The following PLXNA4 variants were observed in gnomAD, a reference collection of about 807,000 sequenced individuals.
PLXNA4 encodes the protein plexin-A4.
Under a neutral mutation model 191.8 loss-of-function variants are expected in PLXNA4, and 44 were observed. The ratio of observed to expected loss-of-function variants is 0.23; its 90% CI spans 0.18 to 0.29. The LOEUF is 0.29. Among genes scored for constraint, PLXNA4 ranks in the 10% least tolerant of loss-of-function variants. The pLI is 1.00. For missense variants in PLXNA4, 1,800 were observed against 2,488.8 expected (o/e 0.72, Z 5.89); for synonymous variants, 1,082 against 1,009.5 (o/e 1.07, Z -1.36).
chr7:132,180,565 A>T, intron 19 of PLXNA4, 21 bp downstream of exon 19: 1 of 1,614,032 alleles, frequency 6.2e-7, no homozygotes, highest in Non-Finnish European at 8.5e-7. Flanking sequence ...TCCATCCAGG[A>T]TGGGGTTCTG....
chr7:132,176,711 AATGT>A (rs1796476285), intron 20 of PLXNA4, among the ~76,000 whole-genome samples: 1 of 149,668 alleles, frequency 6.7e-6, no homozygotes, highest in Non-Finnish European at 1.5e-5. Flanking sequence ...GATGTGAATG[AATGT>A]ATGTCAATGA....
intron 1 of PLXNA4, among the ~76,000 whole-genome samples, chr7:132,647,060 AAC>A (rs1333669489): frequency 1.3e-5 from 2 of 151,550 alleles, no homozygotes; most frequent in African/African-American, 4.9e-5. Context: ...TACATTCACA[AAC>A]ACATGCTGTC....
chr7:132,359,371 C>A (rs1003430249), intron 3 of PLXNA4, among the ~76,000 whole-genome samples: 1 of 151,960 alleles, frequency 6.6e-6, no homozygotes, highest in African/African-American at 2.4e-5. Context: ...CAGGTGCATA[C>A]CACCATGCCG....
intron 1 of PLXNA4, among the ~76,000 whole-genome samples, chr7:132,563,468 C>T (rs543179034): frequency 3.7e-5 from 4 of 109,284 alleles, no homozygotes; most frequent in South Asian, 8.3e-4. Context: ...TTCTCCTCCT[C>T]CTCCTTCTGC....
intron 4 of PLXNA4, among the ~76,000 whole-genome samples, chr7:132,258,562 G>C (rs936658169): frequency 2.0e-5 from 3 of 152,124 alleles, no homozygotes; most frequent in Non-Finnish European, 4.4e-5. Context: ...CCTGCCTTTG[G>C]GGCTGGCCTT....
rs191796361 is a variant in PLXNA4 at position 132,383,406 on chromosome 7, A to G, written c.1372-85184T>C. ...AGTAAAAGTAATAAATGCTCATTAA[A>G]GAAAATTAAGAAAAAATGTAAATAA... On this transcript the variant is annotated intron_variant, in intron 3 of 31. Transcript: ENST00000321063. 75 of 343,936 alleles carry G rather than the reference A, an allele frequency of 2.2e-4. 1 individual carries two copies. In the East Asian group the frequency reaches 0.011, roughly 50 times the overall value. The allele number at this position is 343,936 out of a possible 1,614,324, so 21.3% of individuals were successfully genotyped here.
intron 4 of PLXNA4, among the ~76,000 whole-genome samples, chr7:132,272,623 A>G (rs544368894): frequency 6.6e-6 from 1 of 152,332 alleles, no homozygotes; most frequent in African/African-American, 2.4e-5. Flanking sequence ...GTATGATACT[A>G]GGATACAGTA....
intron 3 of PLXNA4, among the ~76,000 whole-genome samples, chr7:132,447,954 T>C (rs1182466492): frequency 6.6e-6 from 1 of 152,084 alleles, no homozygotes; most frequent in East Asian, 1.9e-4. Flanking sequence ...GAGGTTGCAG[T>C]GAGCCAAGAT....
At chr7:132,248,702 A>C (rs1799142707) in intron 4 of PLXNA4, among the ~76,000 whole-genome samples, 1 of 152,192 alleles carries the variant, frequency 6.6e-6, no homozygotes, top group Admixed American at 6.5e-5. Context: ...TCATAGATCT[A>C]CAGATCTCAG....
chr7:132,268,100 AC>A (rs1042072061), intron 4 of PLXNA4, among the ~76,000 whole-genome samples: 18 of 152,176 alleles, frequency 1.2e-4, no homozygotes, highest in Non-Finnish European at 2.6e-4. Context: ...CATGGTACAC[AC>A]CGTGATTAAA....
In PLXNA4 at chr7:132,182,156, G is replaced by T; in HGVS notation, c.3193C>A (p.Leu1065Met). The change falls in exon 17 of 32, where the codon CTG becomes ATG. Residue 1065 changes from leucine to methionine, a missense_variant. By Grantham distance (15) the Leu-to-Met change is conservative. This residue lies in a region of PLXNA4 where 1,397 missense variants were observed against 1,880.4 expected (regional missense o/e 0.74). Transcript: ENST00000321063. Reference sequence around the variant, plus strand: ...ATCTGGGGGTTCTGTATGAGGTCCAGGTGGGTCCCCCATACGGCGATGGGT... The same window carrying T: ...ATCTGGGGGTTCTGTATGAGGTCCATGTGGGTCCCCCATACGGCGATGGGT... ...NTPIAVWGTH[L>M]DLIQNPQIRA... 1 of 1,614,190 alleles carries T rather than the reference G, an allele frequency of 6.2e-7. No homozygotes were observed. The highest frequency in any genetic ancestry group is 8.5e-7 in the Non-Finnish European group (1 of 1,180,044).
intron 2 of PLXNA4, among the ~76,000 whole-genome samples, chr7:132,607,083 T>C (rs1480888995): frequency 6.6e-6 from 1 of 152,118 alleles, no homozygotes; most frequent in Non-Finnish European, 1.5e-5. Context: ...CATTCAAACA[T>C]CTGAGGAAGG....
rs1278487002 is a variant in PLXNA4 at position 132,508,295 on chromosome 7, C to T, written c.399G>A (p.Leu133=). 2 of 1,614,098 alleles carry T rather than the reference C, an allele frequency of 1.2e-6. No individual in the cohort carries two copies. Among genetic ancestry groups the T allele is most frequent in the African/African-American group, 1.3e-5 (1 of 74,934 alleles). ...TCAGCAGCTTGCAGATGCCTTGGTACAGGCTCCCACAGGCAATCAGCCTGT... is the reference window on the plus strand; with the variant it reads ...TCAGCAGCTTGCAGATGCCTTGGTATAGGCTCCCACAGGCAATCAGCCTGT... ...KENRLIACGS[L]YQGICKLLRL... Residue 133 remains leucine, a synonymous_variant, in exon 2 of 32, where the codon CTG becomes CTA. Transcript: ENST00000321063. The surrounding 1 kb of genome is among the most constrained non-coding windows in gnomAD (Gnocchi z 4.4).
chr7:132,313,605 G>A (rs935408117), intron 3 of PLXNA4, among the ~76,000 whole-genome samples: 6 of 152,088 alleles, frequency 3.9e-5, no homozygotes, highest in South Asian at 4.2e-4. Flanking sequence ...GAAGAAGTGC[G>A]GGTCTGAGAT....
intron 1 of PLXNA4, among the ~76,000 whole-genome samples, chr7:132,525,678 C>A (rs1300248326): frequency 6.6e-6 from 1 of 152,184 alleles, no homozygotes; most frequent in Non-Finnish European, 1.5e-5. Context: ...GCCTGTCAAG[C>A]CTTTTTGGGT....
chr7:132,499,588 C>T (rs891759094), intron 2 of PLXNA4, among the ~76,000 whole-genome samples: 2 of 152,190 alleles, frequency 1.3e-5, no homozygotes, highest in African/African-American at 4.8e-5. Context: ...GACTCAGCAG[C>T]CACAAGGGCT....
At chr7:132,231,291 G>A (rs1345721569) in intron 5 of PLXNA4, among the ~76,000 whole-genome samples, 1 of 152,224 alleles carries the variant, frequency 6.6e-6, no homozygotes, top group Non-Finnish European at 1.5e-5. Flanking sequence ...ATAGCTCATA[G>A]TAAGCCCTCA....
At chr7:132,514,225 G>C (rs185121081) in intron 1 of PLXNA4, among the ~76,000 whole-genome samples, 116 of 151,688 alleles carry the variant, frequency 7.6e-4, no homozygotes, top group Non-Finnish European at 1.3e-3. Flanking sequence ...CTAATTTTTT[G>C]TATTTTTAGT....
chr7:132,309,577 C>T (rs141000317), intron 3 of PLXNA4, among the ~76,000 whole-genome samples: 51 of 152,156 alleles, frequency 3.4e-4, no homozygotes, highest in Non-Finnish European at 6.0e-4. Flanking sequence ...TTAATGCCTG[C>T]GAGACAATGA....
Sources: gnomAD v4.1 joint callset for allele counts (sites outside exome capture counted in the v4.1 genomes callset) on GRCh38, gnomAD v4.1.1 for gene constraint, gnomAD v4.1.1 regional missense constraint, Gnocchi (gnomAD v3.1) non-coding constraint, MANE v1.5 for transcripts, NCBI Gene and HGNC (gene_info 2026-07-23, HGNC 2026-07-21) for gene names.